The following SMARCA4 variants were observed in gnomAD, a reference collection of about 807,000 sequenced individuals.
SMARCA4 encodes SWI/SNF-related matrix-associated actin-dependent regulator of chromatin subfamily A member 4.
Under a neutral mutation model 193.9 loss-of-function variants are expected in SMARCA4, and 31 were observed. That is an observed-to-expected ratio of 0.16 (90% CI 0.12 to 0.22). The LOEUF is 0.22. Ranked by LOEUF, SMARCA4 falls within the 10% of genes least tolerant of loss-of-function variation. The probability of loss-of-function intolerance (pLI) is 1.00; values close to 1 mark genes in which losing one functional copy is unlikely to be tolerated. For synonymous variants in SMARCA4, 942 were observed against 933.1 expected, an observed-to-expected ratio of 1.01 and a Z score of -0.17; for missense variants, 1,148 against 2,296.0, an observed-to-expected ratio of 0.50 and a Z score of 10.22.
rs112153737 is a variant in SMARCA4 at position 10,976,794 on chromosome 19, T to C, written c.-31-7327T>C. On this transcript the variant is annotated intron_variant, in intron 1 of 34. Coordinates refer to ENST00000344626, the MANE Select transcript of SMARCA4 (RefSeq NM_003072.5). Reference sequence around the variant, plus strand: ...ATTGGGCCGGGCGTGGTGCCTCTCATCTGTAATCCTAGCACTTTGGGAGGC... The same window carrying C: ...ATTGGGCCGGGCGTGGTGCCTCTCACCTGTAATCCTAGCACTTTGGGAGGC... Among the ~76,000 whole-genome samples the C allele has an allele frequency of 3.8e-3, 530 of 141,136 alleles. 7 individuals carry two copies. The highest frequency in any genetic ancestry group is 0.013 in the African/African-American group (493 of 37,432). 92.6% of individuals were successfully genotyped at this position (141,136 alleles called of 152,430 possible). A position where few individuals can be genotyped will look rare whatever the true frequency, so the allele number is the denominator to read the frequency against.
chr19:11,013,799 G>A lies in SMARCA4; in HGVS notation c.2438+687G>A, dbSNP rs192876543. Among the ~76,000 whole-genome samples the A allele has an allele frequency of 2.0e-5, 3 of 152,220 alleles. No homozygotes were observed. The East Asian group carries it at 5.8e-4, about 29-fold the overall frequency. On this transcript the variant is annotated intron_variant, in intron 16 of 34. Transcript: ENST00000344626. ...CCCTGCAAGGGCCACCAGAGCCCTC[G>A]GGCACATCCCAGCATGGCCCAGGTC...
intron 30 of SMARCA4, among the ~76,000 whole-genome samples, chr19:11,043,106 T>C (rs1344868170): frequency 6.6e-6 from 1 of 151,970 alleles, no homozygotes; most frequent in Non-Finnish European, 1.5e-5. Flanking sequence ...GCATGGCCAA[T>C]ATGGCGAAAC....
intron 14 of SMARCA4, 163 bp downstream of exon 14, chr19:11,008,186 A>G (rs1463020136): frequency 1.4e-6 from 1 of 692,980 alleles, no homozygotes; most frequent in Non-Finnish European, 2.6e-6. Context: ...CATTTCATGT[A>G]TTTTATAGGG....
intron 11 of SMARCA4, among the ~76,000 whole-genome samples, chr19:10,997,835 A>G (rs1007999782): frequency 5.3e-5 from 8 of 152,134 alleles, no homozygotes; most frequent in Non-Finnish European, 8.8e-5. Flanking sequence ...ACCTCCATGT[A>G]ATTCATTATC....
At chr19:10,983,282 G>A (rs1389296333) in intron 1 of SMARCA4, among the ~76,000 whole-genome samples, 1 of 152,152 alleles carries the variant, frequency 6.6e-6, no homozygotes, top group Non-Finnish European at 1.5e-5. Flanking sequence ...GGACCAAAAA[G>A]TGCCATTATT....
At chr19:11,002,264 G>C (rs2146078053) in intron 11 of SMARCA4, among the ~76,000 whole-genome samples, 1 of 152,238 alleles carries the variant, frequency 6.6e-6, no homozygotes, top group East Asian at 1.9e-4. Flanking sequence ...CAGATCACGA[G>C]GTCAGGAGAT....
Position 11,058,652 on chromosome 19 carries a change from T to G in SMARCA4, c.4534-136T>G. On this transcript the variant is annotated intron_variant, in intron 31 of 34. Coordinates refer to ENST00000344626, the MANE Select transcript of SMARCA4 (RefSeq NM_003072.5). This position sits in a 1 kb window ranked among gnomAD's most constrained non-coding sequence, Gnocchi z 5.8. ...AGTTCCCATGCCTAGTGAGCCAGGTTACCGAGGCTGGCGCTTCGGCCACAT... is the reference window on the plus strand; with the variant it reads ...AGTTCCCATGCCTAGTGAGCCAGGTGACCGAGGCTGGCGCTTCGGCCACAT... 1.3e-6 allele frequency: 1 copy of G among 761,222 alleles called. No individual in the cohort carries two copies. Among genetic ancestry groups the G allele is most frequent in the South Asian group, 1.5e-5 (1 of 68,460 alleles). 47.2% of individuals were successfully genotyped at this position (761,222 alleles called of 1,614,324 possible).
chr19:10,975,079 G>A lies in SMARCA4; in HGVS notation c.-31-9042G>A, dbSNP rs147737840. 3.6e-3 allele frequency among the ~76,000 whole-genome samples: 512 copies of A among 143,340 alleles called. 4 individuals carry two copies. The highest frequency in any genetic ancestry group is 0.012 in the African/African-American group (463 of 37,866). The allele number at this position is 143,340 out of a possible 152,430, so 94.0% of individuals were successfully genotyped here. On this transcript the variant is annotated intron_variant, in intron 1 of 34. Coordinates refer to ENST00000344626, the MANE Select transcript of SMARCA4 (RefSeq NM_003072.5). ...GTCGCTCAGGATGGAGTGCAGTGGC[G>A]TGATCTTGGCTCACTGCAACCTCCG...
chr19:11,025,656 CT>C, intron 22 of SMARCA4, 148 bp downstream of exon 22: 1 of 682,170 alleles, frequency 1.5e-6, no homozygotes, highest in Non-Finnish European at 2.7e-6. Flanking sequence ...TTGGTCTTCG[CT>C]TCACCAGTGC....
intron 1 of SMARCA4, chr19:10,965,284 A>AG (rs1175813639): frequency 6.6e-6 from 1 of 152,094 alleles, no homozygotes. Flanking sequence ...TGACTTGCAA[A>AG]GGGGGACAGT....
At chr19:10,988,994 C>T (rs897716899) in intron 6 of SMARCA4, among the ~76,000 whole-genome samples, 10 of 152,226 alleles carry the variant, frequency 6.6e-5, no homozygotes, top group South Asian at 2.1e-4. Flanking sequence ...TAGATTCCCA[C>T]CGCCCTGCGC....
Position 11,041,632 on chromosome 19 carries a change from ACT to A in SMARCA4, c.4424+75_4424+76del, listed in dbSNP as rs1039313702. On this transcript the variant is annotated intron_variant, in intron 30 of 34. Transcript: ENST00000344626. This position sits in a 1 kb window ranked among gnomAD's most constrained non-coding sequence, Gnocchi z 5.6. Reference sequence around the variant, plus strand: ...GAGCAGGCCTGGCATCTGCACTCTGACTCTGCACACTCAGGCTTGGGCCGCTC... The same window carrying A: ...GAGCAGGCCTGGCATCTGCACTCTGACTGCACACTCAGGCTTGGGCCGCTC... The A allele has an allele frequency of 2.6e-5, 35 of 1,347,350 alleles. No homozygotes were observed. The African/African-American group carries it at 3.0e-4, about 12-fold the overall frequency. The allele number at this position is 1,347,350 out of a possible 1,614,324, so 83.5% of individuals were successfully genotyped here. A position where few individuals can be genotyped will look rare whatever the true frequency, so the allele number is the denominator to read the frequency against.
At chr19:11,026,451 C>T (rs566719238) in intron 23 of SMARCA4, 105 bp downstream of exon 23, 1 of 816,812 alleles carries the variant, frequency 1.2e-6, no homozygotes, top group African/African-American at 1.7e-5. Flanking sequence ...ATTTCAAAGG[C>T]AGAAAATTAG....
In SMARCA4 at chr19:11,030,317, G is replaced by A. The variant is rs2074836461; in HGVS notation, c.3383-413G>A. ...CCCCCAGGTCCCTTGTGTTGCGAGC[G>A]GCGGTGTTGCCGGCATTGGCCGCTG... On this transcript the variant is annotated intron_variant, in intron 24 of 34. Transcript: ENST00000344626. The surrounding 1 kb of genome is among the most constrained non-coding windows in gnomAD (Gnocchi z 5.5). Among the ~76,000 whole-genome samples, 1 of 152,246 alleles carries A rather than the reference G, an allele frequency of 6.6e-6. No homozygotes were observed. The highest frequency in any genetic ancestry group is 1.5e-5 in the Non-Finnish European group (1 of 68,042).
At chr19:11,006,798 C>T (rs993432998) in intron 13 of SMARCA4, among the ~76,000 whole-genome samples, 4 of 151,816 alleles carry the variant, frequency 2.6e-5, no homozygotes, top group Admixed American at 6.6e-5. Context: ...TTAAAAGAAG[C>T]GTCGGGGCCG....
intron 30 of SMARCA4, among the ~76,000 whole-genome samples, chr19:11,044,908 A>T (rs1164724728): frequency 6.6e-6 from 1 of 152,214 alleles, no homozygotes; most frequent in Non-Finnish European, 1.5e-5. Context: ...GTCCATCTAC[A>T]GGGGCATGGA....
rs576001993 is a variant in SMARCA4 at position 10,987,613 on chromosome 19, C to A, written c.860-53C>A. 2 of 1,608,156 alleles carry A rather than the reference C, an allele frequency of 1.2e-6. No homozygotes were observed. The highest frequency in any genetic ancestry group is 8.5e-7 in the Non-Finnish European group (1 of 1,175,786). ...GCTCAGCAGCTTTCCATTTCCAGCCCGGGATGGGCCCCAGAGCTCAACATG... is the reference window on the plus strand; with the variant it reads ...GCTCAGCAGCTTTCCATTTCCAGCCAGGGATGGGCCCCAGAGCTCAACATG... On this transcript the variant is annotated intron_variant, in intron 5 of 34. Coordinates refer to ENST00000344626, the MANE Select transcript of SMARCA4 (RefSeq NM_003072.5). This position sits in a 1 kb window ranked among gnomAD's most constrained non-coding sequence, Gnocchi z 5.3.
At chr19:10,967,390 A>G (rs1227963843) in intron 1 of SMARCA4, among the ~76,000 whole-genome samples, 3 of 152,154 alleles carry the variant, frequency 2.0e-5, no homozygotes, top group East Asian at 3.9e-4. Flanking sequence ...AGCTCACTGC[A>G]AGCTCCCCCT....
intron 1 of SMARCA4, among the ~76,000 whole-genome samples, chr19:10,962,688 GC>G (rs1004415129): frequency 4.6e-5 from 7 of 152,018 alleles, no homozygotes; most frequent in Non-Finnish European, 7.4e-5. Context: ...GACTACAGGC[GC>G]CCGCCACCAC....
Sources: allele counts gnomAD v4.1 joint callset (sites outside exome capture counted in the v4.1 genomes callset), GRCh38; gene constraint gnomAD v4.1.1; non-coding constraint Gnocchi (gnomAD v3.1); transcripts MANE v1.5; gene names NCBI Gene and HGNC (gene_info 2026-07-23, HGNC 2026-07-21).